WDFY4: variants seen among roughly 807,000 people sequenced by gnomAD.
WDFY4 encodes the protein WD repeat- and FYVE domain-containing protein 4.
Under a neutral mutation model 351.9 loss-of-function variants are expected in WDFY4, and 169 were observed. The ratio of observed to expected loss-of-function variants is 0.48; its 90% CI spans 0.42 to 0.55. The LOEUF (loss-of-function observed/expected upper bound fraction) is 0.55, where lower values mean the gene tolerates loss of function less well. WDFY4 is among the 20% of genes least tolerant of loss of function. The pLI, the probability that WDFY4 is intolerant of heterozygous loss-of-function variation, is 0.00. For synonymous variants in WDFY4, 1,622 were observed against 1,574.6 expected (o/e 1.03, Z -0.71); for missense variants, 3,803 against 3,935.6 (o/e 0.97, Z 0.90).
intron 13 of WDFY4, among the ~76,000 whole-genome samples, chr10:48,762,808 A>G (rs1423375558): frequency 1.3e-5 from 2 of 152,244 alleles, no homozygotes; most frequent in Non-Finnish European, 2.9e-5. Context: ...CCACAGGCAC[A>G]AAAGCAGAAG....
chr10:48,740,144 C>T (rs1020348203), intron 11 of WDFY4, among the ~76,000 whole-genome samples: 4 of 152,194 alleles, frequency 2.6e-5, no homozygotes, highest in African/African-American at 9.7e-5. Context: ...TGAAAGCACT[C>T]ACATAAATTT....
At chr10:48,850,196 T>C (rs956720014) in intron 39 of WDFY4, among the ~76,000 whole-genome samples, 2 of 152,244 alleles carry the variant, frequency 1.3e-5, no homozygotes, top group African/African-American at 4.8e-5. Context: ...CCACACTTGA[T>C]ACTTTGGAAT....
At chr10:48,886,257 A>G (rs183137274) in intron 43 of WDFY4, among the ~76,000 whole-genome samples, 1 of 152,330 alleles carries the variant, frequency 6.6e-6, no homozygotes, top group African/African-American at 2.4e-5. Context: ...GACCTTGCCC[A>G]TTATAGATGT....
chr10:48,928,931 G>C (rs2377693), intron 47 of WDFY4, among the ~76,000 whole-genome samples: 147,358 of 152,314 alleles, frequency 0.97, 71,473 homozygotes, highest in East Asian at 1. Context: ...AGGCAGCAAA[G>C]AAAATGAAGG....
chr10:48,903,049 G>A (rs1036844703), intron 47 of WDFY4, among the ~76,000 whole-genome samples: 1 of 152,174 alleles, frequency 6.6e-6, no homozygotes, highest in Admixed American at 6.5e-5. Context: ...GGTGGAGGTT[G>A]CAGTGAGCTG....
chr10:48,959,344 T>G (rs1345425081), intron 52 of WDFY4, among the ~76,000 whole-genome samples: 1 of 152,192 alleles, frequency 6.6e-6, no homozygotes, highest in East Asian at 1.9e-4. Context: ...TGCTTAGAAT[T>G]TGCCAGCTTG....
chr10:48,737,860 T>A (rs539360307), intron 11 of WDFY4, among the ~76,000 whole-genome samples: 1 of 152,302 alleles, frequency 6.6e-6, no homozygotes, highest in East Asian at 1.9e-4. Flanking sequence ...ATTCATGTGG[T>A]CCAATCTCTT....
At chr10:48,790,347 C>A (rs188554840) in intron 22 of WDFY4, among the ~76,000 whole-genome samples, 58 of 152,330 alleles carry the variant, frequency 3.8e-4, no homozygotes, top group Admixed American at 1.3e-3. Context: ...AGCAAGGCAA[C>A]AAATTGGTGC....
chr10:48,791,008 TC>T, intron 23 of WDFY4, 91 bp downstream of exon 23: 1 of 1,457,156 alleles, frequency 6.9e-7, no homozygotes, highest in Non-Finnish European at 9.3e-7. Context: ...TCAGTTGCAT[TC>T]CCTCCAGGGT....
At chr10:48,802,734 C>G (rs1179336230) in intron 24 of WDFY4, 1 of 471,298 alleles carries the variant, frequency 2.1e-6, no homozygotes, top group Admixed American at 2.3e-5. Context: ...TTTTGTCATG[C>G]ATGAGATGAC....
At chr10:48,971,361 T>C (rs1229003868) in intron 57 of WDFY4, among the ~76,000 whole-genome samples, 1 of 151,888 alleles carries the variant, frequency 6.6e-6, no homozygotes, top group Non-Finnish European at 1.5e-5. Flanking sequence ...CCAGGCGTGG[T>C]GGTGGGTGCC....
At chr10:48,842,342 G>A (rs1564408790) in intron 39 of WDFY4, among the ~76,000 whole-genome samples, 1 of 151,978 alleles carries the variant, frequency 6.6e-6, no homozygotes, top group Non-Finnish European at 1.5e-5. Context: ...GGTGGTAGAT[G>A]TGAAACCAGC....
At position 48,805,354 on chromosome 10, in the gene WDFY4, A is replaced by T. The variant is rs1337543036; in HGVS notation, c.4579A>T (p.Ile1527Phe). ...FNEPSLIPSK[I>F]STIIGILACQ... is the part of the protein sequence containing the mutation. ...TGAGCCGAGCCTCATCCCCTCCAAG[A>T]TCTCCACCATCATTGGCATCCTGGC... The change falls in exon 26 of 62, where the codon ATC becomes TTC. Residue 1527 changes from isoleucine to phenylalanine, a missense_variant. By Grantham distance (21) the Ile-to-Phe change is conservative (BLOSUM62 0). Transcript: ENST00000325239. 4 of 1,549,472 alleles carry T rather than the reference A, an allele frequency of 2.6e-6. No homozygotes were observed. Among genetic ancestry groups the T allele is most frequent in the South Asian group, 2.4e-5 (2 of 84,052 alleles).
intron 47 of WDFY4, chr10:48,914,121 T>C (rs763222470): frequency 1.2e-6 from 2 of 1,614,146 alleles, no homozygotes; most frequent in South Asian, 1.1e-5. Context: ...GAGGGTGATC[T>C]TCTTGCCCTT....
intron 1 of WDFY4, among the ~76,000 whole-genome samples, chr10:48,693,236 G>T (rs1267439848): frequency 6.6e-6 from 1 of 152,198 alleles, no homozygotes; most frequent in Non-Finnish European, 1.5e-5. Context: ...ACATGCTGGA[G>T]TTGTGCTGTA....
In WDFY4 at chr10:48,729,586, T is replaced by A. The variant is rs1249149966; in HGVS notation, c.1126T>A (p.Ser376Thr). Residue 376 changes from serine (S) to threonine (T), a missense_variant, in exon 8 of 62, where the codon TCT becomes ACT. Physicochemically the swap from Ser to Thr is moderately conservative, Grantham distance 58. Transcript: ENST00000325239. ...LEGFKFHHEASGVTVKNLQAF... is the reference protein window; with the variant it reads ...LEGFKFHHEATGVTVKNLQAF... ...AGGCTTCAAGTTCCATCATGAGGCA[T>A]CTGGTGAGTCTTTCCTGTGTCTGGG... The A allele has an allele frequency of 6.4e-7, 1 of 1,551,648 alleles. No homozygotes were observed. Among genetic ancestry groups the A allele is most frequent in the South Asian group, 1.2e-5 (1 of 84,060 alleles).
At chr10:48,730,834 T>C (rs1228658970) in intron 8 of WDFY4, among the ~76,000 whole-genome samples, 6 of 152,244 alleles carry the variant, frequency 3.9e-5, no homozygotes, top group Non-Finnish European at 8.8e-5. Context: ...TTGCATCATT[T>C]CCTTTGTATT....
intron 36 of WDFY4, among the ~76,000 whole-genome samples, chr10:48,827,494 A>G (rs2068045251): frequency 6.8e-6 from 1 of 146,622 alleles, no homozygotes; most frequent in South Asian, 2.3e-4. Flanking sequence ...ACACAGAGAG[A>G]GAGACAGGAA....
In WDFY4 at chr10:48,776,907, C is replaced by T. The variant is rs1331106044; in HGVS notation, c.3021C>T (p.Ser1007=). The T allele has an allele frequency of 4.5e-6, 7 of 1,552,092 alleles. No individual in the cohort carries two copies. In the South Asian group the frequency reaches 4.8e-5, roughly 11 times the overall value. The part of the protein sequence containing the change: ...QTALSLISMT[S]PRNLQPQRAA... ...CGCTGAGCCTCATCTCCATGACCTC[C>T]CCACGCAACCTGCAGCCTCAGAGGG... The change falls in exon 16 of 62, where the codon TCC becomes TCT. Residue 1007 remains serine (S), a synonymous_variant. Transcript: ENST00000325239.
Sources: allele counts gnomAD v4.1 joint callset (sites outside exome capture counted in the v4.1 genomes callset), GRCh38; gene constraint gnomAD v4.1.1; transcripts MANE v1.5; gene names NCBI Gene and HGNC (gene_info 2026-07-23, HGNC 2026-07-21).